CC2D2B: variants seen among roughly 807,000 people sequenced by gnomAD.
CC2D2B encodes the protein coiled-coil and C2 domain containing 2B.
CC2D2B carries 128 observed loss-of-function variants against 161.2 expected under a neutral mutation model. The ratio of observed to expected loss-of-function variants is 0.79; its 90% confidence interval spans 0.69 to 0.92. CC2D2B has a LOEUF of 0.92. Among genes scored for constraint, CC2D2B ranks in the 40% least tolerant of loss-of-function variants. The probability of loss-of-function intolerance (pLI) is 0.00; values close to 1 mark genes in which losing one functional copy is unlikely to be tolerated. For missense variants in CC2D2B, 1,173 were observed against 1,375.1 expected (o/e 0.85, Z 2.32); for synonymous variants, 391 against 449.8 (o/e 0.87, Z 1.65).
intron 3 of CC2D2B, among the ~76,000 whole-genome samples, chr10:95,923,486 ATCAC>A (rs1351886354): frequency 1.3e-5 from 2 of 152,234 alleles, no homozygotes; most frequent in African/African-American, 4.8e-5. Context: ...CCAGAGACTT[ATCAC>A]TCTTCTTTTT....
intron 26 of CC2D2B, among the ~76,000 whole-genome samples, chr10:96,011,659 A>C: frequency 6.6e-6 from 1 of 150,986 alleles, no homozygotes; most frequent in African/African-American, 2.4e-5. Flanking sequence ...TGATCCTCCC[A>C]CCTCATCCTC....
At chr10:95,944,448 T>A (rs1486501683) in intron 9 of CC2D2B, among the ~76,000 whole-genome samples, 1 of 152,198 alleles carries the variant, frequency 6.6e-6, no homozygotes, top group Non-Finnish European at 1.5e-5. Flanking sequence ...CTGCTATTTA[T>A]CTTATTCTTT....
Position 96,013,784 on chromosome 10 carries a change from C to G in CC2D2B, c.3427-4C>G. 1.3e-6 allele frequency: 2 copies of G among 1,578,948 alleles called. No individual in the cohort carries two copies. Among genetic ancestry groups the G allele is most frequent in the Non-Finnish European group, 1.7e-6 (2 of 1,152,654 alleles). On this transcript the variant is annotated splice_region_variant and splice_polypyrimidine_tract_variant and intron_variant, in intron 28 of 34. Coordinates refer to ENST00000646931, the MANE Select transcript of CC2D2B (RefSeq NM_001349008.3). ...ACACTCAATAAATGTGAATATTATTCTAGGACCTCATTGCTCGATTTGTAT... is the reference window on the plus strand; with the variant it reads ...ACACTCAATAAATGTGAATATTATTGTAGGACCTCATTGCTCGATTTGTAT...
chr10:95,907,681 T>G (rs2098498455), upstream of CC2D2B: 1 of 152,368 alleles, frequency 6.6e-6, no homozygotes, highest in South Asian at 2.1e-4. Context: ...TATACTCTTC[T>G]TCTTCACCAG....
In CC2D2B at chr10:96,009,817, T is replaced by C; in HGVS notation, c.2947-8T>C. 1 of 1,422,006 alleles carries C rather than the reference T, an allele frequency of 7.0e-7. No individual in the cohort carries two copies. Among genetic ancestry groups the C allele is most frequent in the Non-Finnish European group, 9.6e-7 (1 of 1,042,286 alleles). The allele number at this position is 1,422,006 out of a possible 1,614,324, so 88.1% of individuals were successfully genotyped here. On this transcript the variant is annotated splice_region_variant and splice_polypyrimidine_tract_variant and intron_variant, in intron 25 of 34. Transcript: ENST00000646931. ...AAGTAAGTAATAAAAAATTATTTATTTTCATAGGATCACTGTCTCAAGAGC... is the reference window on the plus strand; with the variant it reads ...AAGTAAGTAATAAAAAATTATTTATCTTCATAGGATCACTGTCTCAAGAGC...
At chr10:95,959,527 C>T (rs1394820205) in intron 11 of CC2D2B, among the ~76,000 whole-genome samples, 1 of 152,102 alleles carries the variant, frequency 6.6e-6, no homozygotes, top group Non-Finnish European at 1.5e-5. Flanking sequence ...TTACAGTATC[C>T]TTGAAATTAA....
At chr10:96,000,339 AT>A (rs2078426740) in intron 24 of CC2D2B, 1 of 289,116 alleles carries the variant, frequency 3.5e-6, no homozygotes, top group African/African-American at 2.3e-5. Context: ...TTTATAATAA[AT>A]AAATAAATAA....
intron 24 of CC2D2B, among the ~76,000 whole-genome samples, chr10:96,003,586 T>TTGTGTGTGTGTGTG (rs68085058): frequency 1.9e-3 from 247 of 127,728 alleles, no homozygotes; most frequent in African/African-American, 4.4e-3. Flanking sequence ...GCCCGGCTAA[T>TTGTGTGTGTGTGTG]TGTGTGTGTG....
intron 6 of CC2D2B, among the ~76,000 whole-genome samples, chr10:95,936,703 A>C (rs538077297): frequency 1.3e-5 from 2 of 152,276 alleles, no homozygotes; most frequent in South Asian, 4.1e-4. Context: ...ATTGGTCCAG[A>C]TCACAGCTTG....
chr10:95,972,099 G>A lies in CC2D2B; in HGVS notation c.1678G>A (p.Ala560Thr), dbSNP rs1461368861. The change falls in exon 16 of 35, where the codon GCA becomes ACA. Residue 560 changes from alanine to threonine, a missense_variant. Ala to Thr is a moderately conservative substitution (Grantham distance 58). Transcript: ENST00000646931. Reference sequence around the variant, plus strand: ...AAAAAGTAAAAGGACAAGCTTACTGGCAAAACTATATATACCTTTACCTAA... The same window carrying A: ...AAAAAGTAAAAGGACAAGCTTACTGACAAAACTATATATACCTTTACCTAA... Reference protein sequence around the residue: ...YEKSKRTSLLAKLYIPLPNYT... With the variant: ...YEKSKRTSLLTKLYIPLPNYT... 12 of 1,230,034 alleles carry A rather than the reference G, an allele frequency of 9.8e-6. No individual in the cohort carries two copies. Among genetic ancestry groups the A allele is most frequent in the Non-Finnish European group, 1.2e-5 (12 of 986,258 alleles). The allele number at this position is 1,230,034 out of a possible 1,614,324, so 76.2% of individuals were successfully genotyped here. A position where few individuals can be genotyped will look rare whatever the true frequency, so the allele number is the denominator to read the frequency against.
At chr10:95,922,797 CT>C (rs965845142) in intron 3 of CC2D2B, among the ~76,000 whole-genome samples, 19 of 149,426 alleles carry the variant, frequency 1.3e-4, no homozygotes, top group East Asian at 7.8e-4. Context: ...GGGCTTGAGA[CT>C]TTTTTTTTTC....
chr10:95,934,795 G>C (rs530930563), intron 6 of CC2D2B, among the ~76,000 whole-genome samples: 7 of 152,216 alleles, frequency 4.6e-5, no homozygotes, highest in Non-Finnish European at 7.3e-5. Flanking sequence ...TTCTGCGTTA[G>C]TCTTGCTGGG....
At chr10:95,927,353 TCCCA>T in intron 6 of CC2D2B, 21 bp downstream of exon 6, 1 of 1,254,080 alleles carries the variant, frequency 8.0e-7, no homozygotes, top group Non-Finnish European at 1.1e-6. Context: ...TTTGCCTCCC[TCCCA>T]CCATCTCACT....
chr10:95,925,498 C>T (rs187423998), intron 5 of CC2D2B, among the ~76,000 whole-genome samples: 2 of 152,324 alleles, frequency 1.3e-5, no homozygotes, highest in Admixed American at 1.3e-4. Flanking sequence ...TTTAATCCAA[C>T]TTACAGATTT....
In CC2D2B at chr10:95,938,594, A is replaced by C. The variant is rs1395215568; in HGVS notation, c.561A>C (p.Lys187Asn). 1.4e-6 allele frequency: 1 copy of C among 704,186 alleles called. No homozygotes were observed. Among genetic ancestry groups the C allele is most frequent in the Non-Finnish European group, 2.6e-6 (1 of 381,868 alleles). 43.6% of individuals were successfully genotyped at this position (704,186 alleles called of 1,614,324 possible). A position where few individuals can be genotyped will look rare whatever the true frequency, so the allele number is the denominator to read the frequency against. Residue 187 changes from lysine to asparagine, a missense_variant, in exon 8 of 35, where the codon AAA (lysine) becomes AAC (asparagine). By Grantham distance (94) the Lys-to-Asn change is moderately conservative. This residue lies in a region of CC2D2B where 298 missense variants were observed against 261.2 expected (regional missense o/e 1.14). Coordinates refer to ENST00000646931, the MANE Select transcript of CC2D2B (RefSeq NM_001349008.3). ...SPVVNQRKLPKDMMPRILEDE... is the reference protein window; with the variant it reads ...SPVVNQRKLPNDMMPRILEDE... ...TGGTTAACCAGCGCAAACTGCCAAAAGATATGATGCCACGTATTCTAGAAG... is the reference window on the plus strand; with the variant it reads ...TGGTTAACCAGCGCAAACTGCCAAACGATATGATGCCACGTATTCTAGAAG...
At chr10:95,937,896 C>T in intron 6 of CC2D2B, 95 bp from the exon 7 acceptor site, 1 of 721,060 alleles carries the variant, frequency 1.4e-6, no homozygotes, top group Non-Finnish European at 2.3e-6. Context: ...ATCAGACGCA[C>T]AGTTCACAGT....
At chr10:95,939,985 T>A (rs1160211937) in intron 9 of CC2D2B, among the ~76,000 whole-genome samples, 1 of 152,140 alleles carries the variant, frequency 6.6e-6, no homozygotes, top group Non-Finnish European at 1.5e-5. Flanking sequence ...AAAAGAGGTG[T>A]AATTGGCTCA....
chr10:95,979,870 T>C (rs2077448818), intron 17 of CC2D2B, among the ~76,000 whole-genome samples: 1 of 152,208 alleles, frequency 6.6e-6, no homozygotes, highest in African/African-American at 2.4e-5. Context: ...TTAATGCCAC[T>C]GAATTGTGTA....
At chr10:96,016,846 G>A (rs1464945702) in intron 30 of CC2D2B, among the ~76,000 whole-genome samples, 6 of 151,978 alleles carry the variant, frequency 3.9e-5, no homozygotes, top group African/African-American at 1.4e-4. Context: ...TCAACCTCCC[G>A]AGTAGCTGGG....
Sources: allele counts gnomAD v4.1 joint callset (sites outside exome capture counted in the v4.1 genomes callset), GRCh38; gene constraint gnomAD v4.1.1; regional missense constraint gnomAD v4.1.1; transcripts MANE v1.5; gene names NCBI Gene and HGNC (gene_info 2026-07-23, HGNC 2026-07-21).